The following CCSER1 variants were observed in gnomAD, a reference collection of about 807,000 sequenced individuals.
CCSER1 encodes coiled-coil serine rich protein 1.
In CCSER1, 41 loss-of-function variants were observed where a neutral mutation model predicts 82.0. The observed-to-expected ratio is 0.50, with a 90% CI of 0.39 to 0.65. The LOEUF (loss-of-function observed/expected upper bound fraction) is 0.65. Among genes scored for constraint, CCSER1 ranks in the 30% least tolerant of loss-of-function variants. The pLI is 0.00. For missense variants in CCSER1, 1,119 were observed against 1,064.2 expected (o/e 1.05, Z -0.72); for synonymous variants, 414 against 383.9 (o/e 1.08, Z -0.92).
chr4:90,563,104 A>G (rs955713339), intron 5 of CCSER1, among the ~76,000 whole-genome samples: 10 of 150,732 alleles, frequency 6.6e-5, no homozygotes, highest in Middle Eastern at 6.8e-3. Flanking sequence ...TTTTAATTTC[A>G]TTTAACAAAT....
chr4:90,566,221 A>G (rs1339810686), intron 5 of CCSER1, among the ~76,000 whole-genome samples: 2 of 151,946 alleles, frequency 1.3e-5, no homozygotes, highest in South Asian at 4.1e-4. Context: ...GGATTTTTGC[A>G]TCTCTGTCCA....
intron 9 of CCSER1, among the ~76,000 whole-genome samples, chr4:91,023,524 T>G (rs1285069628): frequency 6.6e-6 from 1 of 152,204 alleles, no homozygotes; most frequent in Non-Finnish European, 1.5e-5. Flanking sequence ...CCATCTGATC[T>G]TTGACAAACC....
chr4:91,295,149 G>A (rs1744055710), intron 10 of CCSER1, among the ~76,000 whole-genome samples: 3 of 151,904 alleles, frequency 2.0e-5, no homozygotes, highest in South Asian at 4.1e-4. Context: ...TAATGACAGT[G>A]AGAAAATATG....
intron 6 of CCSER1, among the ~76,000 whole-genome samples, chr4:90,691,983 A>G (rs1166137268): frequency 6.6e-6 from 1 of 150,896 alleles, no homozygotes; most frequent in Non-Finnish European, 1.5e-5. Context: ...AAATAACTAA[A>G]TTAAATTTTT....
chr4:91,428,783 AT>A (rs1754131323), intron 10 of CCSER1, among the ~76,000 whole-genome samples: 1 of 152,064 alleles, frequency 6.6e-6, no homozygotes, highest in Non-Finnish European at 1.5e-5. Flanking sequence ...CTTTTGATAC[AT>A]TATTGCATTT....
chr4:91,051,259 G>A (rs186686665), intron 9 of CCSER1, among the ~76,000 whole-genome samples: 13 of 152,058 alleles, frequency 8.5e-5, no homozygotes, highest in East Asian at 7.7e-4. Flanking sequence ...CAAATCAAAC[G>A]CATTCAAGTG....
At chr4:90,201,824 G>T (rs1165344214) in intron 1 of CCSER1, among the ~76,000 whole-genome samples, 1 of 135,082 alleles carries the variant, frequency 7.4e-6, no homozygotes, top group Non-Finnish European at 1.6e-5. Flanking sequence ...GAGGGCAGGA[G>T]TTTATAATAG....
chr4:91,495,407 T>A (rs1758747124), intron 10 of CCSER1, among the ~76,000 whole-genome samples: 1 of 151,634 alleles, frequency 6.6e-6, no homozygotes, highest in Non-Finnish European at 1.5e-5. Context: ...GTAACCTTAT[T>A]TTGTATCTCA....
chr4:91,241,966 GTA>G (rs74321571), intron 10 of CCSER1, among the ~76,000 whole-genome samples: 17,891 of 151,218 alleles, frequency 0.12, 1,790 homozygotes, highest in African/African-American at 0.27. Context: ...AACTGTGTGC[GTA>G]TATATATATA....
intron 1 of CCSER1, among the ~76,000 whole-genome samples, chr4:90,281,759 G>T (rs1728907758): frequency 6.6e-6 from 1 of 152,008 alleles, no homozygotes; most frequent in South Asian, 2.1e-4. Flanking sequence ...ACTTTAAAAA[G>T]ATATCTATAG....
chr4:90,932,985 A>AG lies in CCSER1; in HGVS notation c.2172+9538_2172+9539insG, dbSNP rs1730245277. ...AAGAAAGAAAGAAAGAAAGAAAGAGAAAGAAAGAAAGAAAGAAAGAAAGAA... is the reference window on the plus strand; with the variant it reads ...AAGAAAGAAAGAAAGAAAGAAAGAGAGAAGAAAGAAAGAAAGAAAGAAAGAA... On this transcript the variant is annotated intron_variant, in intron 9 of 10. Coordinates refer to ENST00000509176, the MANE Select transcript of CCSER1 (RefSeq NM_001145065.2). 2.1e-3 allele frequency among the ~76,000 whole-genome samples: 62 copies of AG among 30,214 alleles called. 13 individuals are homozygous for AG. Among genetic ancestry groups the AG allele is most frequent in the Admixed American group, 4.1e-3 (11 of 2,688 alleles). 19.8% of individuals were successfully genotyped at this position (30,214 alleles called of 152,430 possible). A position where few individuals can be genotyped will look rare whatever the true frequency, so the allele number is the denominator to read the frequency against.
intron 10 of CCSER1, among the ~76,000 whole-genome samples, chr4:91,209,720 G>A (rs1375972244): frequency 6.6e-6 from 1 of 151,768 alleles, no homozygotes; most frequent in Non-Finnish European, 1.5e-5. Flanking sequence ...GATGATGCTG[G>A]CCTCGTAGAA....
At chr4:91,067,237 A>C (rs1720918212) in intron 9 of CCSER1, among the ~76,000 whole-genome samples, 1 of 152,190 alleles carries the variant, frequency 6.6e-6, no homozygotes, top group African/African-American at 2.4e-5. Flanking sequence ...TGAGTGAATA[A>C]GCCAGAAAAT....
chr4:91,437,598 C>A (rs538427427), intron 10 of CCSER1, among the ~76,000 whole-genome samples: 2 of 152,288 alleles, frequency 1.3e-5, no homozygotes, highest in African/African-American at 4.8e-5. Context: ...GTACTGGGTT[C>A]ATCTCACTAG....
chr4:91,354,473 G>A (rs555042831), intron 10 of CCSER1, among the ~76,000 whole-genome samples: 1 of 152,176 alleles, frequency 6.6e-6, no homozygotes, highest in East Asian at 1.9e-4. Flanking sequence ...GGAATTCTGG[G>A]TGGGCCCAAA....
At chr4:91,320,001 G>GGACAAAAA (rs1193965457) in intron 10 of CCSER1, among the ~76,000 whole-genome samples, 9 of 152,022 alleles carry the variant, frequency 5.9e-5, no homozygotes, top group Non-Finnish European at 1.0e-4. Context: ...CGTCTAGCCT[G>GGACAAAAA]AGATGTGAAT....
chr4:91,231,565 A>C (rs187560024), intron 10 of CCSER1, among the ~76,000 whole-genome samples: 1 of 151,894 alleles, frequency 6.6e-6, no homozygotes. Context: ...GATGAAATTT[A>C]TTGTGAGGAA....
intron 10 of CCSER1, among the ~76,000 whole-genome samples, chr4:91,152,804 C>G (rs1052633741): frequency 6.6e-6 from 1 of 151,998 alleles, no homozygotes; most frequent in African/African-American, 2.4e-5. Context: ...TTATGAAATT[C>G]TGAGTTGAAG....
chr4:90,397,709 G>A (rs1017303197), intron 3 of CCSER1, among the ~76,000 whole-genome samples: 36 of 152,084 alleles, frequency 2.4e-4, no homozygotes, highest in African/African-American at 8.4e-4. Context: ...ATCTTGGACC[G>A]TTCACCAAGG....
Sources: gnomAD v4.1 joint callset for allele counts (sites outside exome capture counted in the v4.1 genomes callset) on GRCh38, gnomAD v4.1.1 for gene constraint, MANE v1.5 for transcripts, NCBI Gene and HGNC (gene_info 2026-07-23, HGNC 2026-07-21) for gene names.